HMGXB3: variants seen among roughly 807,000 people sequenced by gnomAD.
HMGXB3 encodes the protein HMG-box containing 3, also known as HMG domain-containing protein 3.
HMGXB3 carries 45 observed loss-of-function variants against 121.5 expected under a neutral mutation model. That is an observed-to-expected ratio of 0.37 (90% CI 0.29 to 0.47). HMGXB3 has a LOEUF of 0.47. HMGXB3 is among the 20% of genes least tolerant of loss of function. The pLI is 0.99. For missense variants in HMGXB3, 1,376 were observed against 1,602.2 expected, an observed-to-expected ratio of 0.86 and a Z score of 2.41; for synonymous variants, 590 against 624.1, an observed-to-expected ratio of 0.95 and a Z score of 0.81.
In HMGXB3 at chr5:150,026,721, C is replaced by T. The variant is rs1042522787; in HGVS notation, c.1476C>T (p.Thr492=). 2 of 1,550,768 alleles carry T rather than the reference C, an allele frequency of 1.3e-6. No homozygotes were observed. Among genetic ancestry groups the T allele is most frequent in the Non-Finnish European group, 1.7e-6 (2 of 1,146,732 alleles). ...PKKPTGADLL[T]PGSRAPELKG... ...TTCTTTTCAGAGCTGACCTGCTTAC[C>T]CCTGGGTCCAGAGCTCCAGAGCTTA... Residue 492 remains threonine, a synonymous_variant, in exon 8 of 20, where the codon ACC becomes ACT. Transcript: ENST00000502717.
chr5:150,030,915 T>TG, intron 10 of HMGXB3, 76 bp downstream of exon 10: 2 of 1,042,566 alleles, frequency 1.9e-6, no homozygotes, highest in African/African-American at 1.6e-5. Flanking sequence ...AGTAGGAGGC[T>TG]GGGGGAGAGG....
rs2113768314 is a variant in HMGXB3 at position 150,052,659 on chromosome 5, G to C, written c.*467G>C. The C allele has an allele frequency of 6.1e-6, 1 of 163,380 alleles. No individual in the cohort carries two copies. The highest frequency in any genetic ancestry group is 1.7e-4 in the South Asian group (1 of 5,806). The allele number at this position is 163,380 out of a possible 1,614,324, so 10.1% of individuals were successfully genotyped here. A position where few individuals can be genotyped will look rare whatever the true frequency, so the allele number is the denominator to read the frequency against. On this transcript the variant is annotated 3_prime_UTR_variant, in exon 20 of 20. Coordinates refer to ENST00000502717, the MANE Select transcript of HMGXB3 (RefSeq NM_014983.3). ...GCCTGTTGCCTTTGACTAGGGGCCT[G>C]GGTGGCCTCATTAACTCTAGGGGTC...
At chr5:150,018,788 A>G (rs1561859826) in intron 6 of HMGXB3, 91 bp downstream of exon 6, 7 of 1,250,016 alleles carry the variant, frequency 5.6e-6, no homozygotes, top group East Asian at 2.6e-5. Context: ...AAAAGTTAAC[A>G]TTTGTTTTTA....
chr5:150,032,370 C>A, intron 10 of HMGXB3, 84 bp from the exon 11 acceptor site: 1 of 1,298,192 alleles, frequency 7.7e-7, no homozygotes, highest in Non-Finnish European at 1.1e-6. Context: ...CTCTGATTTA[C>A]TGGCAGCTGC....
chr5:150,043,371 C>T (rs903141951), intron 15 of HMGXB3, among the ~76,000 whole-genome samples: 1 of 152,228 alleles, frequency 6.6e-6, no homozygotes, highest in African/African-American at 2.4e-5. Context: ...AGGTTTCCAT[C>T]TCTGAACTCT....
chr5:150,015,578 C>T (rs28570508), intron 5 of HMGXB3, among the ~76,000 whole-genome samples: 2,013 of 152,296 alleles, frequency 0.013, 43 homozygotes, highest in African/African-American at 0.046. Context: ...CGTGAGCCAC[C>T]GTGCCCAGCT....
Position 150,032,614 on chromosome 5 carries a change from T to TC in HMGXB3, c.1983+16dup. The TC allele has an allele frequency of 6.4e-7, 1 of 1,552,170 alleles. No homozygotes were observed. On this transcript the variant is annotated intron_variant, in intron 11 of 19. Coordinates refer to ENST00000502717, the MANE Select transcript of HMGXB3 (RefSeq NM_014983.3). ...ACCACCAAGGCTATCGTGAGTTCCT[T>TC]CCCCCAAACACATCCCCTGGCCTGT...
At chr5:150,044,170 A>G (rs913904369) in intron 15 of HMGXB3, among the ~76,000 whole-genome samples, 1 of 151,840 alleles carries the variant, frequency 6.6e-6, no homozygotes, top group African/African-American at 2.4e-5. Flanking sequence ...GTAGTGTGGT[A>G]TGTGTGGGGA....
intron 15 of HMGXB3, among the ~76,000 whole-genome samples, chr5:150,045,133 C>A (rs1452897124): frequency 1.3e-5 from 2 of 152,192 alleles, no homozygotes; most frequent in African/African-American, 4.8e-5. Context: ...TTTAGTAGTT[C>A]ATTACAAAGT....
chr5:150,041,735 C>A, intron 14 of HMGXB3, 50 bp from the exon 15 acceptor site: 2 of 1,427,368 alleles, frequency 1.4e-6, no homozygotes, highest in Non-Finnish European at 9.6e-7. Flanking sequence ...TCCCTAGTGG[C>A]TTCAGTGTCT....
intron 2 of HMGXB3, among the ~76,000 whole-genome samples, chr5:150,005,679 A>T (rs1159770679): frequency 6.6e-6 from 1 of 152,132 alleles, no homozygotes; most frequent in African/African-American, 2.4e-5. Flanking sequence ...CAGAATATCC[A>T]AATTGTAGCT....
chr5:150,028,722 A>T (rs1359431072), intron 9 of HMGXB3, among the ~76,000 whole-genome samples: 1 of 150,888 alleles, frequency 6.6e-6, no homozygotes, highest in African/African-American at 2.4e-5. Context: ...AGGCACCACC[A>T]TACCAAGCTA....
chr5:150,019,511 A>G (rs192480319), intron 6 of HMGXB3, among the ~76,000 whole-genome samples: 155 of 152,368 alleles, frequency 1.0e-3, no homozygotes, highest in East Asian at 3.3e-3. Context: ...TAGATAAAAC[A>G]TATATACTTG....
intron 5 of HMGXB3, chr5:150,015,041 G>A: frequency 2.0e-6 from 1 of 488,928 alleles, no homozygotes; most frequent in Non-Finnish European, 3.5e-6. Flanking sequence ...TGGCCTAAAT[G>A]TTGTGGTCAT....
intron 2 of HMGXB3, among the ~76,000 whole-genome samples, chr5:150,005,608 A>AAAAAAAG (rs1755681506): frequency 1.3e-5 from 2 of 151,868 alleles, no homozygotes; most frequent in Admixed American, 6.5e-5. Context: ...CAAAAAAAAA[A>AAAAAAAG]AAAAAAGAAA....
intron 9 of HMGXB3, chr5:150,030,207 C>CG (rs1343959322): frequency 6.6e-6 from 1 of 152,022 alleles, no homozygotes; most frequent in Non-Finnish European, 1.5e-5. Flanking sequence ...GGCATGGTGG[C>CG]TCTTGCCTGT....
In HMGXB3 at chr5:150,048,677, C is replaced by G; in HGVS notation, c.3193C>G (p.Pro1065Ala). 1 of 1,545,308 alleles carries G rather than the reference C, an allele frequency of 6.5e-7. No homozygotes were observed. Among genetic ancestry groups the G allele is most frequent in the Non-Finnish European group, 8.8e-7 (1 of 1,141,166 alleles). ...AGGTGGTAAAATCTACAAGGTGTGC[C>G]CCCATCAGGTAAGAAAATAACTAGG... ...FTGGKIYKVC[P>A]HQVVCGSKYL... Residue 1065 changes from proline (P) to alanine (A), a missense_variant, in exon 18 of 20, where the codon CCC becomes GCC. Coordinates refer to ENST00000502717, the MANE Select transcript of HMGXB3 (RefSeq NM_014983.3).
At chr5:150,041,230 T>G (rs537457013) in intron 14 of HMGXB3, among the ~76,000 whole-genome samples, 44 of 152,352 alleles carry the variant, frequency 2.9e-4, no homozygotes, top group African/African-American at 9.9e-4. Flanking sequence ...TGCCAAGACC[T>G]AAGAGTGAGG....
At chr5:150,046,178 T>C (rs1379253962) in intron 16 of HMGXB3, among the ~76,000 whole-genome samples, 1 of 152,162 alleles carries the variant, frequency 6.6e-6, no homozygotes, top group Non-Finnish European at 1.5e-5. Flanking sequence ...CTCTGTCAGG[T>C]CCCATCATTG....
Sources: gnomAD v4.1 joint callset for allele counts (sites outside exome capture counted in the v4.1 genomes callset) on GRCh38, gnomAD v4.1.1 for gene constraint, MANE v1.5 for transcripts, NCBI Gene and HGNC (gene_info 2026-07-23, HGNC 2026-07-21) for gene names.